ASCL5: variants seen among roughly 807,000 people sequenced by gnomAD.
The protein encoded by ASCL5 is achaete-scute family bHLH transcription factor 5.
For missense variants in ASCL5, 262 were observed against 268.9 expected, an observed-to-expected ratio of 0.97 and a Z score of 0.18; for synonymous variants, 124 against 131.5, an observed-to-expected ratio of 0.94 and a Z score of 0.39.
chr1:201,121,557 T>C (rs941202607), intron 1 of ASCL5, among the ~76,000 whole-genome samples: 5 of 152,216 alleles, frequency 3.3e-5, no homozygotes, highest in Non-Finnish European at 7.3e-5. Context: ...TTATTTAGCA[T>C]TCATTAAGCA....
In ASCL5 at chr1:201,114,862, G is replaced by C; in HGVS notation, c.511C>G (p.Arg171Gly). 8.1e-7 allele frequency: 1 copy of C among 1,228,662 alleles called. No individual in the cohort carries two copies. Among genetic ancestry groups the C allele is most frequent in the Non-Finnish European group, 1.0e-6 (1 of 985,970 alleles). 76.1% of individuals were successfully genotyped at this position (1,228,662 alleles called of 1,614,324 possible). ...GCCCGGGCCTCGCCGTCGCCAGGGC[G>C]GTCGGGACGGGGGGTGGCGGGCGGC... ...PAPPATPRPD[R>G]PGDGEARAPS... The change falls in exon 2 of 2, where the codon CGC (arginine) becomes GGC (glycine). Residue 171 changes from arginine (R) to glycine (G), a missense_variant. Arg to Gly is a moderately radical substitution (Grantham distance 125). Coordinates refer to ENST00000449188, the MANE Select transcript of ASCL5 (RefSeq NM_001270601.2).
rs1255125514 is a variant in ASCL5 at position 201,114,439 on chromosome 1, C to G, written c.*313G>C. On this transcript the variant is annotated 3_prime_UTR_variant, in exon 2 of 2. Transcript: ENST00000449188. ...CCTGAGGCCGAGCGGGAGCCAGACC[C>G]AGGGATGACCGTCCTGGGGAGCCCC... is the stretch of plus-strand genomic sequence containing the variant. The G allele has an allele frequency of 1.2e-5, 3 of 247,536 alleles. No homozygotes were observed. Among genetic ancestry groups the G allele is most frequent in the Non-Finnish European group, 2.3e-5 (3 of 129,992 alleles). 15.3% of individuals were successfully genotyped at this position (247,536 alleles called of 1,614,324 possible).
At chr1:201,124,184 C>A (rs987525570) in intron 1 of ASCL5, among the ~76,000 whole-genome samples, 12 of 152,206 alleles carry the variant, frequency 7.9e-5, no homozygotes, top group African/African-American at 2.9e-4. Flanking sequence ...ATGAACCAGG[C>A]GGTTCTGCAG....
rs1332200291 is a variant in ASCL5 at position 201,114,901 on chromosome 1, C to G, written c.472G>C (p.Gly158Arg). 10 of 1,229,820 alleles carry G rather than the reference C, an allele frequency of 8.1e-6. No individual in the cohort carries two copies. Among genetic ancestry groups the G allele is most frequent in the African/African-American group, 1.6e-5 (1 of 64,288 alleles). 76.2% of individuals were successfully genotyped at this position (1,229,820 alleles called of 1,614,324 possible). A position where few individuals can be genotyped will look rare whatever the true frequency, so the allele number is the denominator to read the frequency against. Reference protein sequence around the residue: ...PPASRGLPGTGPCPAPPATPR... With the variant: ...PPASRGLPGTRPCPAPPATPR... ...GTGGCGGGCGGCGCGGGGCAGGGCC[C>G]GGTGCCCGGGAGGCCGCGGGAAGCG... The change falls in exon 2 of 2, where the codon GGG becomes CGG. Residue 158 changes from glycine (G) to arginine (R), a missense_variant. By Grantham distance (125) the Gly-to-Arg change is moderately radical. Coordinates refer to ENST00000449188, the MANE Select transcript of ASCL5 (RefSeq NM_001270601.2).
chr1:201,127,005 C>T (rs879369293), intron 1 of ASCL5, 79 bp downstream of exon 1: 2 of 152,216 alleles, frequency 1.3e-5, no homozygotes, highest in African/African-American at 4.8e-5. Context: ...TGGCCTCCCT[C>T]CTCCAGGCCG....
intron 1 of ASCL5, among the ~76,000 whole-genome samples, chr1:201,117,781 G>A (rs912585951): frequency 1.3e-5 from 2 of 152,196 alleles, no homozygotes; most frequent in East Asian, 1.9e-4. Flanking sequence ...TCTCTTTAAG[G>A]TTGTGCATTC....
rs16847750 is a variant in ASCL5 at position 201,116,756 on chromosome 1, G to A, written c.-505-879C>T. Among the ~76,000 whole-genome samples, 1,361 of 152,282 alleles carry A rather than the reference G, an allele frequency of 8.9e-3. 20 individuals are homozygous for A. The highest frequency in any genetic ancestry group is 0.03 in the African/African-American group (1,262 of 41,558). On this transcript the variant is annotated intron_variant, in intron 1 of 1. Coordinates refer to ENST00000449188, the MANE Select transcript of ASCL5 (RefSeq NM_001270601.2). ...AGTTAGGTGCCATTTTGTCTAGGAA[G>A]CCTCTCTGATCGCACTCCCCCCTCT...
At position 201,114,936 on chromosome 1, in the gene ASCL5, G is replaced by A; in HGVS notation, c.437C>T (p.Ser146Leu). The change falls in exon 2 of 2, where the codon TCG (serine) becomes TTG (leucine). Residue 146 changes from serine (S) to leucine (L), a missense_variant. Coordinates refer to ENST00000449188, the MANE Select transcript of ASCL5 (RefSeq NM_001270601.2). ...GAGGCCGCGGGAAGCGGGGGGCGTC[G>A]AGCCGTCGGGGGCCGAGCTCAGCAG... The part of the protein sequence containing the change: ...QELLSSAPDG[S>L]TPPASRGLPG... 8.1e-7 allele frequency: 1 copy of A among 1,231,130 alleles called. No homozygotes were observed. Among genetic ancestry groups the A allele is most frequent in the Non-Finnish European group, 1.0e-6 (1 of 987,614 alleles). The allele number at this position is 1,231,130 out of a possible 1,614,324, so 76.3% of individuals were successfully genotyped here.
chr1:201,125,559 T>A (rs1237251979), intron 1 of ASCL5, among the ~76,000 whole-genome samples: 17 of 152,076 alleles, frequency 1.1e-4, no homozygotes, highest in Admixed American at 1.1e-3. Context: ...TTTCTCCTTC[T>A]CCCTGAATCC....
At chr1:201,118,271 G>A (rs1303764700) in intron 1 of ASCL5, among the ~76,000 whole-genome samples, 1 of 152,136 alleles carries the variant, frequency 6.6e-6, no homozygotes, top group Non-Finnish European at 1.5e-5. Flanking sequence ...CTTGAGCCCA[G>A]GAGTTTGAGA....
intron 1 of ASCL5, among the ~76,000 whole-genome samples, chr1:201,119,731 G>A (rs897237828): frequency 1.8e-4 from 28 of 152,222 alleles, no homozygotes; most frequent in African/African-American, 6.5e-4. Flanking sequence ...AGTTGCATCA[G>A]CATTAGGCAA....
rs1663275637 is a variant in ASCL5, at chr1:201,114,186, G to A, written c.*566C>T. The A allele has an allele frequency of 6.6e-6, 1 of 152,202 alleles. No individual in the cohort carries two copies. The allele number at this position is 152,202 out of a possible 1,614,324, so 9.4% of individuals were successfully genotyped here. A position where few individuals can be genotyped will look rare whatever the true frequency, so the allele number is the denominator to read the frequency against. ...GGGGCACACAGGTCGCCTCTGCTGA[G>A]TCTGTAGGTTCGGTCTGGGCTGAGC... On this transcript the variant is annotated 3_prime_UTR_variant, in exon 2 of 2. Coordinates refer to ENST00000449188, the MANE Select transcript of ASCL5 (RefSeq NM_001270601.2).
At chr1:201,118,434 G>A in intron 1 of ASCL5, among the ~76,000 whole-genome samples, 1 of 151,056 alleles carries the variant, frequency 6.6e-6, no homozygotes, top group Non-Finnish European at 1.5e-5. Context: ...GCAGTGAGCT[G>A]AGGCTGCACC....
At chr1:201,118,299 GC>G (rs1270712951) in intron 1 of ASCL5, among the ~76,000 whole-genome samples, 6 of 152,080 alleles carry the variant, frequency 3.9e-5, no homozygotes, top group Non-Finnish European at 5.9e-5. Context: ...GAGCAACATG[GC>G]AAAACCCTGT....
chr1:201,125,280 G>A (rs1343061080), intron 1 of ASCL5, among the ~76,000 whole-genome samples: 1 of 152,192 alleles, frequency 6.6e-6, no homozygotes, highest in Non-Finnish European at 1.5e-5. Flanking sequence ...ACACTCCCAG[G>A]CCCGGCATCT....
intron 1 of ASCL5, among the ~76,000 whole-genome samples, chr1:201,121,148 A>T (rs1663448710): frequency 6.6e-6 from 1 of 152,200 alleles, no homozygotes. Context: ...TTAGCATCAG[A>T]GGCCCTGGGA....
rs552963563 is a variant in ASCL5, at chr1:201,119,459, C to T, written c.-505-3582G>A. Among the ~76,000 whole-genome samples the T allele has an allele frequency of 2.1e-4, 32 of 152,226 alleles. No homozygotes were observed. The South Asian group carries it at 2.5e-3, about 12-fold the overall frequency. On this transcript the variant is annotated intron_variant, in intron 1 of 1. Transcript: ENST00000449188. ...GTGGCGGCAACAGATTGATGAAATT[C>T]GCATCCCGACCCCACGGGTGTCGAA...
In ASCL5 at chr1:201,119,798, GC is replaced by G. The variant is rs563165639; in HGVS notation, c.-505-3922del. Among the ~76,000 whole-genome samples, 244 of 152,070 alleles carry G rather than the reference GC, an allele frequency of 1.6e-3. 3 individuals are homozygous for G. The highest frequency in any genetic ancestry group is 0.014 in the Admixed American group (213 of 15,264). ...TGGAAGAGCTTTTCCTCTACTCTTA[GC>G]CCCCATGGTGACTGCTGAAAGAGCT... On this transcript the variant is annotated intron_variant, in intron 1 of 1. Transcript: ENST00000449188.
At chr1:201,125,549 T>C (rs1340453824) in intron 1 of ASCL5, among the ~76,000 whole-genome samples, 1 of 152,160 alleles carries the variant, frequency 6.6e-6, no homozygotes. Flanking sequence ...GTTTCTGCTC[T>C]TTCTCCTTCT....
Sources: allele counts gnomAD v4.1 joint callset (sites outside exome capture counted in the v4.1 genomes callset), GRCh38; gene constraint gnomAD v4.1.1; transcripts MANE v1.5; gene names NCBI Gene and HGNC (gene_info 2026-07-23, HGNC 2026-07-21).